The following BNC2 variants were observed in gnomAD, a reference collection of about 807,000 sequenced individuals.
The protein encoded by BNC2 is basonuclin zinc finger protein 2.
Under a neutral mutation model 76.3 loss-of-function variants are expected in BNC2, and 20 were observed. That is an observed-to-expected ratio of 0.26 (90% confidence interval 0.18 to 0.38). The LOEUF (loss-of-function observed/expected upper bound fraction) is 0.38. Among genes scored for constraint, BNC2 ranks in the 10% least tolerant of loss-of-function variants. The pLI is 1.00. For synonymous variants in BNC2, 582 were observed against 514.8 expected (o/e 1.13, Z -1.77); for missense variants, 1,382 against 1,399.8 (o/e 0.99, Z 0.20).
At chr9:16,490,412 C>T in intron 5 of BNC2, among the ~76,000 whole-genome samples, 1 of 152,182 alleles carries the variant, frequency 6.6e-6, no homozygotes, top group Non-Finnish European at 1.5e-5. Context: ...GTCCCTCCCA[C>T]AACACGTGGG....
chr9:16,728,105 T>G, intron 2 of BNC2, 108 bp from the exon 3 acceptor site: 19 of 559,894 alleles, frequency 3.4e-5, no homozygotes, highest in Non-Finnish European at 4.3e-5. Flanking sequence ...AGGGGGAGAT[T>G]TGGGGGAGGG....
intron 5 of BNC2, among the ~76,000 whole-genome samples, chr9:16,492,016 A>G (rs2131638196): frequency 6.6e-6 from 1 of 152,358 alleles, no homozygotes; most frequent in African/African-American, 2.4e-5. Flanking sequence ...TCATCTACAA[A>G]TACGATTTTA....
chr9:16,425,748 A>T (rs1280971402), intron 6 of BNC2, among the ~76,000 whole-genome samples: 1 of 152,342 alleles, frequency 6.6e-6, no homozygotes, highest in South Asian at 2.1e-4. Flanking sequence ...GGCAGAGGCA[A>T]ACATGTCTTT....
At chr9:16,728,056 T>C in intron 2 of BNC2, 59 bp from the exon 3 acceptor site, 3 of 1,347,044 alleles carry the variant, frequency 2.2e-6, no homozygotes, top group Non-Finnish European at 2.0e-6. Flanking sequence ...GAGTGTAGTG[T>C]AGTTAAGAAG....
chr9:16,817,754 T>C (rs1818219579), intron 1 of BNC2, among the ~76,000 whole-genome samples: 1 of 152,184 alleles, frequency 6.6e-6, no homozygotes, highest in Non-Finnish European at 1.5e-5. Flanking sequence ...TGGAGACTTT[T>C]AGTCACTCAA....
chr9:16,507,250 CTTTTTTTT>C (rs36072200), intron 5 of BNC2, among the ~76,000 whole-genome samples: 1 of 83,168 alleles, frequency 1.2e-5, no homozygotes, highest in East Asian at 4.2e-4. Context: ...TGTCCATTTG[CTTTTTTTT>C]TTTTTTTTTT....
chr9:16,437,046 T>C lies in BNC2; in HGVS notation c.1148A>G (p.Asn383Ser), dbSNP rs140889479. The C allele has an allele frequency of 8.1e-6, 13 of 1,613,950 alleles. No individual in the cohort carries two copies. The African/African-American group carries it at 9.3e-5, about 12-fold the overall frequency. The part of the protein sequence containing the change: ...PTPYKNDQTP[N>S]RNALTSITNV... ...AGTAATGCTGGTCAGGGCATTTCTA[T>C]TGGGTGTTTGATCATTCTTATAAGG... is the stretch of plus-strand genomic sequence containing the variant. Residue 383 changes from asparagine to serine, a missense_variant, in exon 6 of 7, where the codon AAT (asparagine) becomes AGT (serine). Coordinates refer to ENST00000380672, the MANE Select transcript of BNC2 (RefSeq NM_017637.6).
chr9:16,683,224 A>T (rs780938818), intron 3 of BNC2, among the ~76,000 whole-genome samples: 1 of 152,224 alleles, frequency 6.6e-6, no homozygotes, highest in African/African-American at 2.4e-5. Context: ...AAAGCTGCTA[A>T]GAAATCTGAA....
intron 3 of BNC2, among the ~76,000 whole-genome samples, chr9:16,665,528 C>T (rs1006555353): frequency 1.1e-4 from 16 of 151,942 alleles, no homozygotes; most frequent in Non-Finnish European, 1.3e-4. Flanking sequence ...CTAAACTAGA[C>T]CTGTAAATTC....
intron 1 of BNC2, among the ~76,000 whole-genome samples, chr9:16,740,902 A>G (rs1824829190): frequency 6.6e-6 from 1 of 152,222 alleles, no homozygotes; most frequent in Non-Finnish European, 1.5e-5. Context: ...AGATACAGAA[A>G]AAAAATCTGT....
chr9:16,698,589 A>T (rs1298325626), intron 3 of BNC2, among the ~76,000 whole-genome samples: 3 of 152,092 alleles, frequency 2.0e-5, no homozygotes, highest in Non-Finnish European at 2.9e-5. Context: ...GATACTCGGG[A>T]GGCTGAGGCA....
intron 3 of BNC2, among the ~76,000 whole-genome samples, chr9:16,689,627 T>A: frequency 1.3e-5 from 2 of 149,822 alleles, no homozygotes; most frequent in East Asian, 3.9e-4. Flanking sequence ...TGGAAAAGAA[T>A]GATATACAAT....
At chr9:16,604,074 G>A (rs951219310) in intron 3 of BNC2, among the ~76,000 whole-genome samples, 4 of 151,996 alleles carry the variant, frequency 2.6e-5, no homozygotes, top group African/African-American at 9.7e-5. Flanking sequence ...ATTTGATCTG[G>A]ATGTTGGCAA....
chr9:16,658,904 G>A (rs1214599895), intron 3 of BNC2, among the ~76,000 whole-genome samples: 1 of 152,112 alleles, frequency 6.6e-6, no homozygotes, highest in Non-Finnish European at 1.5e-5. Flanking sequence ...TAGATTTTAA[G>A]GTGACAGTTT....
chr9:16,714,195 G>C (rs938810080), intron 3 of BNC2, among the ~76,000 whole-genome samples: 2 of 152,164 alleles, frequency 1.3e-5, no homozygotes, highest in African/African-American at 2.4e-5. Flanking sequence ...GTTTAAACAC[G>C]GCAGAGGAGA....
chr9:16,595,205 T>C lies in BNC2; in HGVS notation c.331-12120A>G, dbSNP rs150225584. 7.2e-3 allele frequency among the ~76,000 whole-genome samples: 1,089 copies of C among 152,276 alleles called. 15 individuals carry two copies. Among genetic ancestry groups the C allele is most frequent in the African/African-American group, 0.025 (1,046 of 41,570 alleles). On this transcript the variant is annotated intron_variant, in intron 3 of 6. Coordinates refer to ENST00000380672, the MANE Select transcript of BNC2 (RefSeq NM_017637.6). The stretch of plus-strand genomic sequence containing the variant: ...TTTACTTATACCTGTCTTGGGACTG[T>C]CCATCAGCGACACATCTCAACAAAC...
At chr9:16,776,276 G>A (rs538316336) in intron 1 of BNC2, among the ~76,000 whole-genome samples, 157 of 152,186 alleles carry the variant, frequency 1.0e-3, no homozygotes, top group Non-Finnish European at 8.8e-4. Context: ...AAGTAGCTGG[G>A]ATTACAGGAG....
At chr9:16,515,034 G>C (rs1178537167) in intron 5 of BNC2, among the ~76,000 whole-genome samples, 1 of 152,216 alleles carries the variant, frequency 6.6e-6, no homozygotes, top group Non-Finnish European at 1.5e-5. Flanking sequence ...CGGGAGGAAA[G>C]AGAACTCCCT....
intron 6 of BNC2, chr9:16,431,337 C>A: frequency 2.8e-6 from 1 of 351,152 alleles, no homozygotes. Flanking sequence ...ACCTATGCCA[C>A]TCAGCTCCTG....
Sources: allele counts gnomAD v4.1 joint callset (sites outside exome capture counted in the v4.1 genomes callset), GRCh38; gene constraint gnomAD v4.1.1; transcripts MANE v1.5; gene names NCBI Gene and HGNC (gene_info 2026-07-23, HGNC 2026-07-21).